The following GEN1 variants were observed in gnomAD, a reference collection of about 807,000 sequenced individuals.
The protein encoded by GEN1 is GEN1 structure-specific endonuclease.
Under a neutral mutation model 67.6 loss-of-function variants are expected in GEN1, and 64 were observed. The observed-to-expected ratio is 0.95, with a 90% confidence interval of 0.77 to 1.17. The LOEUF (loss-of-function observed/expected upper bound fraction) is 1.17. GEN1 is among the 50% of genes most tolerant of loss of function. The pLI is 0.00. For missense variants in GEN1, 1,058 were observed against 1,048.3 expected (o/e 1.01, Z -0.13); for synonymous variants, 371 against 359.4 (o/e 1.03, Z -0.37).
chr2:17,762,203 GT>G (rs528367680), intron 3 of GEN1, among the ~76,000 whole-genome samples: 67 of 125,668 alleles, frequency 5.3e-4, no homozygotes, highest in Admixed American at 1.4e-3. Flanking sequence ...TTTTTTGGTT[GT>G]TTTTTTTTTT....
chr2:17,764,569 T>G (rs1671833600), intron 3 of GEN1, among the ~76,000 whole-genome samples: 1 of 152,152 alleles, frequency 6.6e-6, no homozygotes, highest in Non-Finnish European at 1.5e-5. Context: ...TATTCCCCTA[T>G]CCACACATCA....
Position 17,764,943 on chromosome 2 carries a change from C to A in GEN1, c.395C>A (p.Ala132Asp), listed in dbSNP as rs1277677719. ...TTAGGAATCCCCTGGGTTCAGGCTG[C>A]TGGGGAAGCTGAAGCCATGTGTGCT... ...ECLGIPWVQAAGEAEAMCAYL... is the reference protein window; with the variant it reads ...ECLGIPWVQADGEAEAMCAYL... Residue 132 changes from alanine to aspartate, a missense_variant, in exon 4 of 14, where the codon GCT becomes GAT. Ala to Asp is a moderately radical substitution (Grantham distance 126). Transcript: ENST00000381254. 11 of 1,614,110 alleles carry A rather than the reference C, an allele frequency of 6.8e-6. No homozygotes were observed.
intron 1 of GEN1, chr2:17,754,702 C>T (rs1043627384): frequency 1.3e-5 from 2 of 152,292 alleles, no homozygotes; most frequent in African/African-American, 4.8e-5. Context: ...CCCATAGGCA[C>T]AGTTGGGTGT....
At chr2:17,778,602 T>C (rs1211563908) in intron 12 of GEN1, among the ~76,000 whole-genome samples, 1 of 152,106 alleles carries the variant, frequency 6.6e-6, no homozygotes, top group East Asian at 1.9e-4. Flanking sequence ...GATTTTATTT[T>C]AATGTCTCAA....
At chr2:17,770,623 G>T (rs1672134919) in intron 6 of GEN1, among the ~76,000 whole-genome samples, 1 of 152,020 alleles carries the variant, frequency 6.6e-6, no homozygotes, top group Admixed American at 6.6e-5. Context: ...AATCTTTATA[G>T]TACTATACAT....
At chr2:17,779,256 A>G (rs533786363) in intron 12 of GEN1, among the ~76,000 whole-genome samples, 3 of 152,218 alleles carry the variant, frequency 2.0e-5, no homozygotes, top group African/African-American at 4.8e-5. Flanking sequence ...GGCCCTTTCA[A>G]TTGTGTTCTT....
At chr2:17,762,397 CAG>C (rs1671729480) in intron 3 of GEN1, among the ~76,000 whole-genome samples, 3 of 151,446 alleles carry the variant, frequency 2.0e-5, no homozygotes, top group African/African-American at 7.3e-5. Context: ...TTAGTAGAGA[CAG>C]GGTTTCACTG....
chr2:17,780,147 T>C, intron 13 of GEN1, 26 bp downstream of exon 13: 2 of 1,587,316 alleles, frequency 1.3e-6, no homozygotes, highest in Middle Eastern at 1.7e-4. Context: ...GATAGCTATT[T>C]ATGCCACATG....
intron 8 of GEN1, 74 bp downstream of exon 8, chr2:17,772,858 A>G (rs1672258555): frequency 2.2e-6 from 3 of 1,340,006 alleles, no homozygotes; most frequent in African/African-American, 3.0e-5. Flanking sequence ...TTATTTCCAT[A>G]TAATCTTTCC....
intron 12 of GEN1, among the ~76,000 whole-genome samples, chr2:17,778,298 GTACATA>G: frequency 8.5e-6 from 1 of 117,070 alleles, no homozygotes; most frequent in Non-Finnish European, 1.8e-5. Context: ...ACATGTGTGT[GTACATA>G]TATGTATATA....
Position 17,786,123 on chromosome 2 carries a change from C to T in GEN1, c.*4184C>T, listed in dbSNP as rs1673052200. 6.6e-6 allele frequency: 1 copy of T among 152,140 alleles called. No homozygotes were observed. Among genetic ancestry groups the T allele is most frequent in the African/African-American group, 2.4e-5 (1 of 41,422 alleles). The allele number at this position is 152,140 out of a possible 1,614,324, so 9.4% of individuals were successfully genotyped here. A position where few individuals can be genotyped will look rare whatever the true frequency, so the allele number is the denominator to read the frequency against. On this transcript the variant is annotated 3_prime_UTR_variant, in exon 14 of 14. Transcript: ENST00000381254. ...TATGTGACAGGCATTGTGCTGGGCC[C>T]TGGAGATACAGTGATCAATGGCATC...
rs1366756691 is a variant in GEN1, at chr2:17,773,229, A to G, written c.1001A>G (p.Glu334Gly). ...CTTTTTTCTTGCTAGGTTATTCAAG[A>G]ATTCCTTTTAAACAAGGATAAATTG... ...EGFPFHEVIQ[E>G]FLLNKDKLVK... Residue 334 changes from glutamate (E) to glycine (G), a missense_variant, in exon 10 of 14, where the codon GAA becomes GGA. Coordinates refer to ENST00000381254, the MANE Select transcript of GEN1 (RefSeq NM_001130009.3). 1.3e-6 allele frequency: 2 copies of G among 1,598,708 alleles called. No individual in the cohort carries two copies. The highest frequency in any genetic ancestry group is 3.4e-5 in the Admixed American group (2 of 59,232).
At chr2:17,772,481 A>G (rs1273586564) in intron 7 of GEN1, among the ~76,000 whole-genome samples, 153 bp from the exon 8 acceptor site, 1 of 152,074 alleles carries the variant, frequency 6.6e-6, no homozygotes, top group Non-Finnish European at 1.5e-5. Context: ...CTATTACTCT[A>G]TTCATCCTAA....
Position 17,761,546 on chromosome 2 carries a change from A to G in GEN1, c.312A>G (p.Lys104=), listed in dbSNP as rs765624422. The G allele has an allele frequency of 9.9e-6, 16 of 1,611,354 alleles. No individual in the cohort carries two copies. The highest frequency in any genetic ancestry group is 1.4e-5 in the Non-Finnish European group (16 of 1,179,274). ...YGSSGKSWSQ[K]TGRSHFKSVL... is the part of the protein sequence containing the mutation. ...CTTCTGGAAAATCGTGGTCTCAGAA[A>G]ACAGGGAGATCACATTTTAAATCAG... The change falls in exon 3 of 14, where the codon AAA becomes AAG. Residue 104 remains lysine, a synonymous_variant. Coordinates refer to ENST00000381254, the MANE Select transcript of GEN1 (RefSeq NM_001130009.3).
Position 17,766,586 on chromosome 2 carries a change from A to G in GEN1, c.533A>G (p.His178Arg), listed in dbSNP as rs1671945394. ...AATCTGTTCTTTCTTTAGGACCCAC[A>G]TGTTGACTGTTACACAATGTCATCT... is the stretch of plus-strand genomic sequence containing the variant. Reference protein sequence around the residue: ...RNFTMNTKDPHVDCYTMSSIK... With the variant: ...RNFTMNTKDPRVDCYTMSSIK... The change falls in exon 5 of 14, where the codon CAT (histidine) becomes CGT (arginine). Residue 178 changes from histidine to arginine, a missense_variant. Physicochemically the swap from His to Arg is conservative, Grantham distance 29. Transcript: ENST00000381254. 1 of 1,571,146 alleles carries G rather than the reference A, an allele frequency of 6.4e-7. No individual in the cohort carries two copies. The highest frequency in any genetic ancestry group is 2.3e-5 in the East Asian group (1 of 44,374).
At chr2:17,757,217 G>A (rs1469304505) in intron 1 of GEN1, among the ~76,000 whole-genome samples, 1 of 151,056 alleles carries the variant, frequency 6.6e-6, no homozygotes, top group East Asian at 1.9e-4. Context: ...TCTTGCTTAG[G>A]GGTTTCCAAT....
Position 17,778,321 on chromosome 2 carries a change from C to T in GEN1, c.1264+258C>T, listed in dbSNP as rs543878729. 5.2e-3 allele frequency among the ~76,000 whole-genome samples: 109 copies of T among 21,038 alleles called. 3 individuals carry two copies. The highest frequency in any genetic ancestry group is 0.02 in the South Asian group (2 of 102). The allele number at this position is 21,038 out of a possible 152,430, so 13.8% of individuals were successfully genotyped here. A position where few individuals can be genotyped will look rare whatever the true frequency, so the allele number is the denominator to read the frequency against. ...GTGTACATATATGTATATACACACA[C>T]ACGTGTACATATATGTATACACACA... On this transcript the variant is annotated intron_variant, in intron 12 of 13. Coordinates refer to ENST00000381254, the MANE Select transcript of GEN1 (RefSeq NM_001130009.3).
chr2:17,778,191 C>CACATAGATGTGTGTATATATATGTAT (rs1558408595), intron 12 of GEN1, 128 bp downstream of exon 12: 4 of 404,188 alleles, frequency 9.9e-6, no homozygotes, highest in East Asian at 4.6e-5. Context: ...TATATATACA[C>CACATAGATGTGTGTATATATATGTAT]ACACACATAT....
At position 17,783,803 on chromosome 2, in the gene GEN1, AAG is replaced by A. The variant is rs1672954631; in HGVS notation, c.*1867_*1868del. 6.6e-6 allele frequency: 1 copy of A among 152,254 alleles called. No homozygotes were observed. Among genetic ancestry groups the A allele is most frequent in the Non-Finnish European group, 1.5e-5 (1 of 68,042 alleles). 9.4% of individuals were successfully genotyped at this position (152,254 alleles called of 1,614,324 possible). On this transcript the variant is annotated 3_prime_UTR_variant, in exon 14 of 14. Transcript: ENST00000381254. ...GGATCTATTGGATATCTATGTAAAA[AAG>A]AGTGACATTTGATTCCTACTTCACA...
Sources: gnomAD v4.1 joint callset for allele counts (sites outside exome capture counted in the v4.1 genomes callset) on GRCh38, gnomAD v4.1.1 for gene constraint, MANE v1.5 for transcripts, NCBI Gene and HGNC (gene_info 2026-07-23, HGNC 2026-07-21) for gene names.